The following CELSR2 variants were observed in gnomAD, a reference collection of about 807,000 sequenced individuals.
CELSR2 encodes EGF-like protein 2.
CELSR2 carries 81 observed loss-of-function variants against 251.6 expected under a neutral mutation model. The ratio of observed to expected loss-of-function variants is 0.32; its 90% CI spans 0.27 to 0.39. CELSR2 has a LOEUF of 0.39. Among genes scored for constraint, CELSR2 ranks in the 10% least tolerant of loss-of-function variants. The pLI, the probability that CELSR2 is intolerant of heterozygous loss-of-function variation, is 1.00. For missense variants in CELSR2, 3,365 were observed against 3,947.7 expected (o/e 0.85, Z 3.96); for synonymous variants, 1,721 against 1,670.5 (o/e 1.03, Z -0.74).
chr1:109,270,720 T>C lies in CELSR2; in HGVS notation c.7483+120T>C. ...CATCCCCATGCCCCAGGCCGCCTTA[T>C]TCACAGGTGTCCCTCTGGTTTAACC... On this transcript the variant is annotated intron_variant, in intron 24 of 33. Coordinates refer to ENST00000271332, the MANE Select transcript of CELSR2 (RefSeq NM_001408.3). The C allele has an allele frequency of 2.3e-6, 3 of 1,297,462 alleles. No homozygotes were observed. In the South Asian group the frequency reaches 4.1e-5, roughly 18 times the overall value. The allele number at this position is 1,297,462 out of a possible 1,614,324, so 80.4% of individuals were successfully genotyped here.
rs1433857952 is a variant in CELSR2, at chr1:109,261,361, G to A, written c.4181+97G>A. 45 of 1,407,316 alleles carry A rather than the reference G, an allele frequency of 3.2e-5. No individual in the cohort carries two copies. Among genetic ancestry groups the A allele is most frequent in the East Asian group, 4.6e-5 (2 of 43,696 alleles). The allele number at this position is 1,407,316 out of a possible 1,614,324, so 87.2% of individuals were successfully genotyped here. On this transcript the variant is annotated intron_variant, in intron 3 of 33. Coordinates refer to ENST00000271332, the MANE Select transcript of CELSR2 (RefSeq NM_001408.3). This position sits in a 1 kb window ranked among gnomAD's most constrained non-coding sequence, Gnocchi z 4.8. ...AAGTAAGAGGTCAGGCAGTGAAAGC[G>A]TGGAGCAGGCTGCCGGCAGAGCCAG... is the stretch of plus-strand genomic sequence containing the variant.
At chr1:109,272,231 C>A in intron 28 of CELSR2, 47 bp from the exon 29 acceptor site, 1 of 1,523,454 alleles carries the variant, frequency 6.6e-7, no homozygotes. Flanking sequence ...CAGCCTGGGG[C>A]CAGCCATCCC....
rs761685003 is a variant in CELSR2, at chr1:109,252,923, C to T, written c.2844C>T (p.Pro948=). The T allele has an allele frequency of 9.3e-6, 15 of 1,612,328 alleles. No homozygotes were observed. Among genetic ancestry groups the T allele is most frequent in the South Asian group, 3.3e-5 (3 of 90,832 alleles). ...TGGCCCGGGTCACAGCCACTGACCC[C>T]GATGAAGGCACCAATGCCCAGATTA... is the stretch of plus-strand genomic sequence containing the variant. ...LAVARVTATD[P]DEGTNAQIMY... Residue 948 remains proline (P), a synonymous_variant, in exon 1 of 34, where the codon CCC becomes CCT. Transcript: ENST00000271332. The surrounding 1 kb of genome is among the most constrained non-coding windows in gnomAD (Gnocchi z 4.8).
At chr1:109,273,048 T>C in intron 31 of CELSR2, 21 bp downstream of exon 31, 1 of 1,601,802 alleles carries the variant, frequency 6.2e-7, no homozygotes, top group Non-Finnish European at 8.5e-7. Context: ...ACTGGGGCTG[T>C]GGCCTTTGGG....
rs757286169 is a variant in CELSR2 at position 109,250,666 on chromosome 1, C to G, written c.587C>G (p.Ala196Gly). ...GCCACAGTGCCGGAGAACCAGCCAGCAGGCACCCCTGTTGCATCCCTGAGG... is the reference window on the plus strand; with the variant it reads ...GCCACAGTGCCGGAGAACCAGCCAGGAGGCACCCCTGTTGCATCCCTGAGG... ...YQATVPENQP[A>G]GTPVASLRAI... The change falls in exon 1 of 34, where the codon GCA becomes GGA. Residue 196 changes from alanine (A) to glycine (G), a missense_variant. Around this residue, in one of 5 missense-constraint regions of CELSR2, gnomAD observed 704 missense variants for 784.1 expected, o/e 0.90. Transcript: ENST00000271332. The surrounding 1 kb of genome is among the most constrained non-coding windows in gnomAD (Gnocchi z 4.4). 6.2e-7 allele frequency: 1 copy of G among 1,614,114 alleles called. No individual in the cohort carries two copies. The highest frequency in any genetic ancestry group is 8.5e-7 in the Non-Finnish European group (1 of 1,180,026).
At chr1:109,260,752 A>G (rs1655996863) in intron 2 of CELSR2, among the ~76,000 whole-genome samples, 1 of 151,998 alleles carries the variant, frequency 6.6e-6, no homozygotes, top group South Asian at 2.1e-4. Context: ...TGCTTATGAA[A>G]CCCAAATGGG....
At position 109,271,310 on chromosome 1, in the gene CELSR2, T is replaced by C. The variant is rs776464879; in HGVS notation, c.7676+14T>C. The C allele has an allele frequency of 1.2e-6, 2 of 1,613,848 alleles. No individual in the cohort carries two copies. The highest frequency in any genetic ancestry group is 1.7e-6 in the Non-Finnish European group (2 of 1,179,954). On this transcript the variant is annotated intron_variant, in intron 26 of 33. Coordinates refer to ENST00000271332, the MANE Select transcript of CELSR2 (RefSeq NM_001408.3). ...GAAAGGTCCTGTGTGAGTATAGGGT[T>C]GGGGTGCCTGGGCCATGGGCAGGCA...
At position 109,250,300 on chromosome 1, in the gene CELSR2, A is replaced by T. The variant is rs987689621; in HGVS notation, c.221A>T (p.Asp74Val). 2 of 1,613,326 alleles carry T rather than the reference A, an allele frequency of 1.2e-6. No homozygotes were observed. Among genetic ancestry groups the T allele is most frequent in the Non-Finnish European group, 1.7e-6 (2 of 1,180,006 alleles). Residue 74 changes from aspartate to valine, a missense_variant, in exon 1 of 34, where the codon GAT becomes GTT. Coordinates refer to ENST00000271332, the MANE Select transcript of CELSR2 (RefSeq NM_001408.3). The surrounding 1 kb of genome is among the most constrained non-coding windows in gnomAD (Gnocchi z 4.4). The part of the protein sequence containing the change: ...NLWLYTSRCR[D>V]AGTELTGHLV... ...TGGCTCTACACCAGCCGCTGCAGGG[A>T]TGCGGGCACTGAGCTGACTGGCCAC...
chr1:109,251,008 C>G lies in CELSR2; in HGVS notation c.929C>G (p.Thr310Ser). 1.2e-6 allele frequency: 2 copies of G among 1,613,488 alleles called. No homozygotes were observed. The highest frequency in any genetic ancestry group is 1.7e-6 in the Non-Finnish European group (2 of 1,179,904). Residue 310 changes from threonine (T) to serine (S), a missense_variant, in exon 1 of 34, where the codon ACT (threonine) becomes AGT (serine). Coordinates refer to ENST00000271332, the MANE Select transcript of CELSR2 (RefSeq NM_001408.3). The surrounding 1 kb of genome is among the most constrained non-coding windows in gnomAD (Gnocchi z 4.9). ...CTGGAGGTTGGCTATGAGGTGCTCA[C>G]TGTCAGGGCCACGGATGGTGATGCC... is the stretch of plus-strand genomic sequence containing the variant. ...ENLEVGYEVL[T>S]VRATDGDAPP...
chr1:109,258,367 G>A (rs1450713637), intron 1 of CELSR2, 65 bp from the exon 2 acceptor site: 18 of 1,161,912 alleles, frequency 1.5e-5, no homozygotes, highest in Non-Finnish European at 2.2e-5. Context: ...CTTGGTGGGT[G>A]GTGCAGGAAT....
intron 23 of CELSR2, 93 bp downstream of exon 23, chr1:109,270,226 C>G (rs910748584): frequency 3.6e-6 from 5 of 1,403,878 alleles, no homozygotes; most frequent in Non-Finnish European, 5.0e-6. Flanking sequence ...ACCATGAACT[C>G]TAATAAGGTG....
chr1:109,274,283 G>C lies in CELSR2; in HGVS notation c.*234G>C, dbSNP rs1656464787. ...CCTCACTGCACTTTGGACCCCTGGG[G>C]CCAACATCTCCAAGACAAAGTTTTT... On this transcript the variant is annotated 3_prime_UTR_variant, in exon 34 of 34. Transcript: ENST00000271332. 1.0e-6 allele frequency: 1 copy of C among 979,194 alleles called. No individual in the cohort carries two copies. The highest frequency in any genetic ancestry group is 1.4e-6 in the Non-Finnish European group (1 of 700,620). 60.7% of individuals were successfully genotyped at this position (979,194 alleles called of 1,614,324 possible).
chr1:109,269,190 C>T lies in CELSR2; in HGVS notation c.6712C>T (p.Pro2238Ser). ...EELARRQRRH[P>S]ELSQGEAVAS... ...GCTGGCACGGCGACAGCGACGGCAC[C>T]CGGAGCTGAGCCAGGGTGAGGCTGT... The change falls in exon 20 of 34, where the codon CCG becomes TCG. Residue 2238 changes from proline to serine, a missense_variant. By Grantham distance (74) the Pro-to-Ser change is moderately conservative (BLOSUM62 -1). This residue lies in a region of CELSR2 where 2,093 missense variants were observed against 2,382.8 expected (regional missense o/e 0.88). Coordinates refer to ENST00000271332, the MANE Select transcript of CELSR2 (RefSeq NM_001408.3). The surrounding 1 kb of genome is among the most constrained non-coding windows in gnomAD (Gnocchi z 6.4). The T allele has an allele frequency of 6.2e-7, 1 of 1,612,600 alleles. No homozygotes were observed. The highest frequency in any genetic ancestry group is 8.5e-7 in the Non-Finnish European group (1 of 1,179,718).
rs1447836303 is a variant in CELSR2 at position 109,258,707 on chromosome 1, G to A, written c.3586G>A (p.Gly1196Arg). 1.3e-6 allele frequency: 2 copies of A among 1,551,580 alleles called. No individual in the cohort carries two copies. The highest frequency in any genetic ancestry group is 2.0e-5 in the Admixed American group (1 of 51,068). Reference sequence around the variant, plus strand: ...GGGCCAGCCGCCAGGGCCCGGGGGCGGGCCGCCCTTCCTGCCCTCTGAGGA... The same window carrying A: ...GGGCCAGCCGCCAGGGCCCGGGGGCAGGCCGCCCTTCCTGCCCTCTGAGGA... ...SVGQPPGPGG[G>R]PPFLPSEDLQ... Residue 1196 changes from glycine (G) to arginine (R), a missense_variant, in exon 2 of 34, where the codon GGG becomes AGG. Gly to Arg is a moderately radical substitution (Grantham distance 125). This residue lies in a region of CELSR2 where 2,093 missense variants were observed against 2,382.8 expected (regional missense o/e 0.88). Transcript: ENST00000271332.
intron 15 of CELSR2, 127 bp from the exon 16 acceptor site, chr1:109,267,421 G>A (rs1656231193): frequency 2.6e-6 from 2 of 763,230 alleles, no homozygotes; most frequent in Admixed American, 2.7e-5. Flanking sequence ...TGTTTCACCA[G>A]GGCCCTTGTT....
chr1:109,250,737 A>G lies in CELSR2; in HGVS notation c.658A>G (p.Met220Val), dbSNP rs780991105. Residue 220 changes from methionine (M) to valine (V), a missense_variant, in exon 1 of 34, where the codon ATG becomes GTG. Physicochemically the swap from Met to Val is conservative, Grantham distance 21. Coordinates refer to ENST00000271332, the MANE Select transcript of CELSR2 (RefSeq NM_001408.3). This position sits in a 1 kb window ranked among gnomAD's most constrained non-coding sequence, Gnocchi z 4.4. ...EGEAGRLEYT[M>V]DALFDSRSNQ... ...TGAGGCAGGTCGACTGGAGTACACC[A>G]TGGATGCCCTCTTTGATAGCCGCTC... 5 of 1,613,956 alleles carry G rather than the reference A, an allele frequency of 3.1e-6. No individual in the cohort carries two copies. Among genetic ancestry groups the G allele is most frequent in the African/African-American group, 1.3e-5 (1 of 74,902 alleles).
At chr1:109,257,203 A>G (rs1449974728) in intron 1 of CELSR2, among the ~76,000 whole-genome samples, 1 of 152,156 alleles carries the variant, frequency 6.6e-6, no homozygotes, top group African/African-American at 2.4e-5. Flanking sequence ...ACAAACAAAA[A>G]TTAGCCAGGC....
intron 14 of CELSR2, 70 bp from the exon 15 acceptor site, chr1:109,266,035 G>T: frequency 6.3e-7 from 1 of 1,595,008 alleles, no homozygotes. Context: ...GGCCTAGGGA[G>T]GGCTGGGGAG....
At chr1:109,266,076 C>T in intron 14 of CELSR2, 29 bp from the exon 15 acceptor site, 1 of 1,612,040 alleles carries the variant, frequency 6.2e-7, no homozygotes, top group Non-Finnish European at 8.5e-7. Flanking sequence ...GAGAGCTGCT[C>T]CTGGGTGACC....
Sources: allele counts gnomAD v4.1 joint callset (sites outside exome capture counted in the v4.1 genomes callset), GRCh38; gene constraint gnomAD v4.1.1; regional missense constraint gnomAD v4.1.1; non-coding constraint Gnocchi (gnomAD v3.1); transcripts MANE v1.5; gene names NCBI Gene and HGNC (gene_info 2026-07-23, HGNC 2026-07-21).